Variants in ASIC4 observed in about 807,000 individuals in gnomAD.
The protein encoded by ASIC4 is acid sensing ion channel subunit family member 4, also known as acid-sensing ion channel 4.
A neutral mutation model predicts 53.4 loss-of-function variants in ASIC4; 28 were observed. The ratio of observed to expected loss-of-function variants is 0.52; its 90% CI spans 0.39 to 0.72. ASIC4 has a LOEUF of 0.72. ASIC4 is among the 30% of genes least tolerant of loss of function. The pLI is 0.00. For missense variants in ASIC4, 649 were observed against 729.7 expected, an observed-to-expected ratio of 0.89 and a Z score of 1.27; for synonymous variants, 289 against 301.4, an observed-to-expected ratio of 0.96 and a Z score of 0.43.
chr2:219,511,724 A>C, upstream of ASIC4, among the ~76,000 whole-genome samples: 4 of 138,842 alleles, frequency 2.9e-5, no homozygotes, highest in East Asian at 2.3e-4. This position sits in a 1 kb window ranked among gnomAD's most constrained non-coding sequence, Gnocchi z 5.3. Flanking sequence ...GGGTGGGGGA[A>C]GCAGGGAGGG....
At chr2:219,533,865 T>C (rs1257970562) in intron 5 of ASIC4, 1 of 151,836 alleles carries the variant, frequency 6.6e-6, no homozygotes, top group Non-Finnish European at 1.5e-5. Flanking sequence ...AGACCCTGTC[T>C]CTGCAAAAAA....
At chr2:219,520,636 C>T (rs920469920) in intron 1 of ASIC4, among the ~76,000 whole-genome samples, 2 of 152,216 alleles carry the variant, frequency 1.3e-5, no homozygotes, top group African/African-American at 2.4e-5. Context: ...GAGGTGGGTT[C>T]AAGCCTCTTA....
Position 219,535,328 on chromosome 2 carries a change from T to C in ASIC4, c.1229+4T>C. The stretch of plus-strand genomic sequence containing the variant: ...ACCGCAACGAGACCTACATACGGTA[T>C]GTGTGTGTGTGTGTGGGGGGTGGCT... On this transcript the variant is annotated splice_donor_region_variant and intron_variant, in intron 6 of 9. Coordinates refer to ENST00000358078, the MANE Select transcript of ASIC4 (RefSeq NM_018674.6). 2 of 1,352,840 alleles carry C rather than the reference T, an allele frequency of 1.5e-6. No individual in the cohort carries two copies. Among genetic ancestry groups the C allele is most frequent in the Non-Finnish European group, 1.9e-6 (2 of 1,038,676 alleles). 83.8% of individuals were successfully genotyped at this position (1,352,840 alleles called of 1,614,324 possible). A position where few individuals can be genotyped will look rare whatever the true frequency, so the allele number is the denominator to read the frequency against.
rs1384212848 is a variant in ASIC4, at chr2:219,532,492, C to G, written c.1018+15C>G. The G allele has an allele frequency of 6.2e-7, 1 of 1,601,318 alleles. No individual in the cohort carries two copies. Among genetic ancestry groups the G allele is most frequent in the Admixed American group, 1.7e-5 (1 of 59,792 alleles). The stretch of plus-strand genomic sequence containing the variant: ...GCACATGCCAGGTGGGCACCCCACC[C>G]CCAGCCAGCCCTCCATGCCACCCTG... On this transcript the variant is annotated intron_variant, in intron 4 of 9. Transcript: ENST00000358078.
Position 219,523,853 on chromosome 2 carries a change from C to T in ASIC4, c.583-7905C>T, listed in dbSNP as rs146065626. ...TTTTTTTTTTTGAGACAGGGTCACGCTCTGTTGCCCAGGCTGGAGTGCAGT... is the reference window on the plus strand; with the variant it reads ...TTTTTTTTTTTGAGACAGGGTCACGTTCTGTTGCCCAGGCTGGAGTGCAGT... On this transcript the variant is annotated intron_variant, in intron 1 of 9. Transcript: ENST00000358078. Among the ~76,000 whole-genome samples the T allele has an allele frequency of 4.6e-3, 691 of 151,074 alleles. 2 individuals carry two copies. The highest frequency in any genetic ancestry group is 7.6e-3 in the Non-Finnish European group (515 of 67,920).
At position 219,514,490 on chromosome 2, in the gene ASIC4, A is replaced by G; in HGVS notation, c.-235A>G. The G allele has an allele frequency of 6.4e-7, 1 of 1,550,754 alleles. No individual in the cohort carries two copies. The highest frequency in any genetic ancestry group is 8.7e-7 in the Non-Finnish European group (1 of 1,146,992). ...GCCACAAGGAGACGATCGAGGAGAG[A>G]GACAAGCGGCAGCAGAGGCAGCAGC... On this transcript the variant is annotated 5_prime_UTR_variant, in exon 1 of 10. Transcript: ENST00000358078.
chr2:219,535,252 T>C lies in ASIC4; in HGVS notation c.1157T>C (p.Met386Thr), dbSNP rs1695111555. Residue 386 changes from methionine (M) to threonine (T), a missense_variant, in exon 6 of 10, where the codon ATG becomes ACG. Physicochemically the swap from Met to Thr is moderately conservative, Grantham distance 81. Coordinates refer to ENST00000358078, the MANE Select transcript of ASIC4 (RefSeq NM_018674.6). ...NLTRYGKEIS[M>T]VRIPNRGSAR... ...ACACGCTATGGGAAAGAGATCTCCA[T>C]GGTCAGGATCCCCAACAGGGGCTCA... is the stretch of plus-strand genomic sequence containing the variant. The C allele has an allele frequency of 6.2e-7, 1 of 1,613,950 alleles. No homozygotes were observed. The highest frequency in any genetic ancestry group is 8.5e-7 in the Non-Finnish European group (1 of 1,179,952).
Position 219,537,483 on chromosome 2 carries a change from G to C in ASIC4, c.1402-149G>C. 9.4e-7 allele frequency: 1 copy of C among 1,069,380 alleles called. No individual in the cohort carries two copies. The highest frequency in any genetic ancestry group is 1.4e-6 in the Non-Finnish European group (1 of 730,944). The allele number at this position is 1,069,380 out of a possible 1,614,324, so 66.2% of individuals were successfully genotyped here. On this transcript the variant is annotated intron_variant, in intron 8 of 9. Transcript: ENST00000358078. The surrounding 1 kb of genome is among the most constrained non-coding windows in gnomAD (Gnocchi z 4.9). ...GGCAGGCCTGAGGGCTCAGAGTCAG[G>C]AGAAGGGGATGGGTGAGGAGGAGGA...
chr2:219,520,032 GA>G (rs1371613710), intron 1 of ASIC4, among the ~76,000 whole-genome samples: 1 of 152,074 alleles, frequency 6.6e-6, no homozygotes, highest in Non-Finnish European at 1.5e-5. Flanking sequence ...AAACCCTGAG[GA>G]GGCATGGGTA....
intron 6 of ASIC4, among the ~76,000 whole-genome samples, chr2:219,535,772 C>CT (rs869106424): frequency 0.21 from 26,398 of 128,692 alleles, 3,099 homozygotes; most frequent in Non-Finnish European, 0.23. Context: ...TCTTCTCCTT[C>CT]TTTTTTTTTT....
chr2:219,532,696 A>G, intron 4 of ASIC4, 187 bp from the exon 5 acceptor site: 1 of 813,746 alleles, frequency 1.2e-6, no homozygotes, highest in Non-Finnish European at 1.9e-6. Context: ...GTTAATATGT[A>G]TTTGTGTACG....
chr2:219,528,030 T>G (rs562961954), intron 1 of ASIC4, among the ~76,000 whole-genome samples: 96 of 152,364 alleles, frequency 6.3e-4, no homozygotes, highest in African/African-American at 2.2e-3. Context: ...GCTCATAACG[T>G]GGGTACCCCA....
At chr2:219,510,544 C>A (rs751723036), upstream of ASIC4, among the ~76,000 whole-genome samples, 6 of 152,318 alleles carry the variant, frequency 3.9e-5, no homozygotes, top group Non-Finnish European at 5.9e-5. This position sits in a 1 kb window ranked among gnomAD's most constrained non-coding sequence, Gnocchi z 5.2. Flanking sequence ...TCTGGCCAGC[C>A]AGGATTTTTC....
chr2:219,531,365 C>CA (rs375874015), intron 1 of ASIC4, among the ~76,000 whole-genome samples: 78 of 145,744 alleles, frequency 5.4e-4, no homozygotes, highest in South Asian at 3.0e-3. Context: ...GACCATATCT[C>CA]AAAAAAAAAA....
chr2:219,511,607 A>C (rs1694702639), upstream of ASIC4, among the ~76,000 whole-genome samples: 1 of 152,166 alleles, frequency 6.6e-6, no homozygotes, highest in Non-Finnish European at 1.5e-5. The surrounding 1 kb of genome is among the most constrained non-coding windows in gnomAD (Gnocchi z 5.3). Flanking sequence ...CTCCCAGTCC[A>C]GGGTCCCTAA....
At chr2:219,511,004 A>G (rs1348308800), upstream of ASIC4, among the ~76,000 whole-genome samples, 1 of 151,746 alleles carries the variant, frequency 6.6e-6, no homozygotes, top group Non-Finnish European at 1.5e-5. This position sits in a 1 kb window ranked among gnomAD's most constrained non-coding sequence, Gnocchi z 5.3. Context: ...GCCCAGCCCC[A>G]GCCCCCCCAT....
At position 219,537,578 on chromosome 2, in the gene ASIC4, T is replaced by C; in HGVS notation, c.1402-54T>C. 2 of 1,509,346 alleles carry C rather than the reference T, an allele frequency of 1.3e-6. No homozygotes were observed. Among genetic ancestry groups the C allele is most frequent in the Non-Finnish European group, 1.8e-6 (2 of 1,104,582 alleles). 93.5% of individuals were successfully genotyped at this position (1,509,346 alleles called of 1,614,324 possible). On this transcript the variant is annotated intron_variant, in intron 8 of 9. Coordinates refer to ENST00000358078, the MANE Select transcript of ASIC4 (RefSeq NM_018674.6). The surrounding 1 kb of genome is among the most constrained non-coding windows in gnomAD (Gnocchi z 4.9). ...AGCTGGGCATGGTAAGGCTCACGCTTCTCCTCAACCAAATTTCCTGAGCCC... is the reference window on the plus strand; with the variant it reads ...AGCTGGGCATGGTAAGGCTCACGCTCCTCCTCAACCAAATTTCCTGAGCCC...
intron 1 of ASIC4, among the ~76,000 whole-genome samples, chr2:219,526,670 G>A (rs1694966145): frequency 6.6e-6 from 1 of 152,110 alleles, no homozygotes; most frequent in African/African-American, 2.4e-5. Flanking sequence ...ACAGACCCAG[G>A]CTGGGGTTCA....
At chr2:219,529,836 C>T (rs1695013127) in intron 1 of ASIC4, among the ~76,000 whole-genome samples, 1 of 152,006 alleles carries the variant, frequency 6.6e-6, no homozygotes, top group South Asian at 2.1e-4. Context: ...GAACGGGAGG[C>T]AGGGTGGTTG....
Sources: allele counts gnomAD v4.1 joint callset (sites outside exome capture counted in the v4.1 genomes callset), GRCh38; gene constraint gnomAD v4.1.1; non-coding constraint Gnocchi (gnomAD v3.1); transcripts MANE v1.5; gene names NCBI Gene and HGNC (gene_info 2026-07-23, HGNC 2026-07-21).